SOX5: variants seen among roughly 807,000 people sequenced by gnomAD.
The protein encoded by SOX5 is SRY-box transcription factor 5, also known as transcription factor SOX-5.
Under a neutral mutation model 92.0 loss-of-function variants are expected in SOX5, and 9 were observed. That is an observed-to-expected ratio of 0.10 (90% CI 0.06 to 0.17). SOX5 has a LOEUF of 0.17. SOX5 is among the 10% of genes least tolerant of loss of function. SOX5 has a pLI of 1.00. For synonymous variants in SOX5, 344 were observed against 336.3 expected (o/e 1.02, Z -0.25); for missense variants, 642 against 944.5 (o/e 0.68, Z 4.20).
intron 4 of SOX5, among the ~76,000 whole-genome samples, chr12:23,957,676 T>G (rs1946436894): frequency 6.6e-6 from 1 of 152,268 alleles, no homozygotes; most frequent in African/African-American, 2.4e-5. Context: ...ACAACTTGCT[T>G]TTTTCATGCT....
intron 1 of SOX5, among the ~76,000 whole-genome samples, chr12:24,390,956 T>C (rs1238806110): frequency 1.3e-5 from 2 of 152,168 alleles, no homozygotes; most frequent in East Asian, 3.8e-4. Flanking sequence ...GTAGTGGGAC[T>C]GCTGGGTCAA....
At chr12:24,340,794 G>A (rs1259082333) in intron 2 of SOX5, among the ~76,000 whole-genome samples, 1 of 152,130 alleles carries the variant, frequency 6.6e-6, no homozygotes, top group East Asian at 1.9e-4. Flanking sequence ...TTAATACAGA[G>A]CTACACACTC....
At chr12:23,914,231 G>T (rs559659688) in intron 1 of SOX5, among the ~76,000 whole-genome samples, 96 of 152,192 alleles carry the variant, frequency 6.3e-4, no homozygotes, top group Non-Finnish European at 1.1e-3. Context: ...TGGATAAGCT[G>T]ATGGTTTTCT....
At chr12:23,535,196 A>AT (rs565525720) in intron 14 of SOX5, among the ~76,000 whole-genome samples, 1 of 152,204 alleles carries the variant, frequency 6.6e-6, no homozygotes, top group Non-Finnish European at 1.5e-5. Context: ...CAGAAATAGT[A>AT]TTTTTCCCTA....
At chr12:24,511,801 A>G (rs570061310) in intron 1 of SOX5, among the ~76,000 whole-genome samples, 17 of 151,996 alleles carry the variant, frequency 1.1e-4, no homozygotes, top group Non-Finnish European at 2.1e-4. Context: ...TACTAAAACT[A>G]CAAAAAATTA....
intron 2 of SOX5, chr12:24,331,339 A>G (rs1441634742): frequency 2.0e-5 from 3 of 152,300 alleles, no homozygotes; most frequent in East Asian, 3.9e-4. Flanking sequence ...ATGCTTTTCT[A>G]TTGCCTCATT....
At chr12:23,856,357 C>G (rs529646681) in intron 2 of SOX5, among the ~76,000 whole-genome samples, 5 of 152,214 alleles carry the variant, frequency 3.3e-5, no homozygotes, top group African/African-American at 1.2e-4. Context: ...ATGAGATACA[C>G]AAAATCTGTT....
At chr12:24,331,829 G>GC in intron 2 of SOX5, among the ~76,000 whole-genome samples, 1 of 104,308 alleles carries the variant, frequency 9.6e-6, no homozygotes, top group African/African-American at 4.0e-5. Flanking sequence ...ACCAGCCTGG[G>GC]AACAGAGCAA....
intron 6 of SOX5, among the ~76,000 whole-genome samples, chr12:23,688,104 G>T (rs891681806): frequency 9.2e-5 from 14 of 151,974 alleles, no homozygotes; most frequent in African/African-American, 3.4e-4. Flanking sequence ...TGCTGATGCT[G>T]TACTTACATC....
intron 1 of SOX5, among the ~76,000 whole-genome samples, chr12:24,502,688 A>G (rs1456765873): frequency 6.6e-6 from 1 of 152,194 alleles, no homozygotes; most frequent in Non-Finnish European, 1.5e-5. Context: ...GTCTCACAGT[A>G]TTTACCCCAA....
At chr12:24,369,238 T>C (rs562264333) in intron 1 of SOX5, among the ~76,000 whole-genome samples, 1 of 152,306 alleles carries the variant, frequency 6.6e-6, no homozygotes, top group South Asian at 2.1e-4. Flanking sequence ...CAAAATGTCA[T>C]AGGAGTGTCT....
chr12:24,047,282 C>T lies in SOX5; in HGVS notation c.-1-151258G>A, dbSNP rs147906319. 2.0e-5 allele frequency among the ~76,000 whole-genome samples: 3 copies of T among 152,240 alleles called. No individual in the cohort carries two copies. The East Asian group carries it at 5.8e-4, about 29-fold the overall frequency. ...GAAATATATTTTCCTGTTCTTTTAA[C>T]AGATAGTCATGTTATTTAATAATAC... On this transcript the variant is annotated intron_variant, in intron 4 of 4. Transcript: ENST00000446891.
intron 3 of SOX5, among the ~76,000 whole-genome samples, chr12:24,219,383 C>A (rs1959848993): frequency 6.6e-6 from 1 of 152,030 alleles, no homozygotes; most frequent in South Asian, 2.1e-4. Flanking sequence ...GTGATTATTA[C>A]ACATTGTGTG....
chr12:23,792,300 C>T (rs895854651), intron 3 of SOX5, among the ~76,000 whole-genome samples: 5 of 151,800 alleles, frequency 3.3e-5, no homozygotes, highest in African/African-American at 1.2e-4. Context: ...CATCATTTCA[C>T]ACATGGGGAT....
At chr12:24,356,988 C>A (rs2141222934) in intron 2 of SOX5, among the ~76,000 whole-genome samples, 1 of 152,324 alleles carries the variant, frequency 6.6e-6, no homozygotes, top group East Asian at 1.9e-4. Context: ...AAAGGCTGAT[C>A]ATGACACCCC....
chr12:24,382,717 G>A (rs963951031), intron 1 of SOX5, among the ~76,000 whole-genome samples: 15 of 152,284 alleles, frequency 9.9e-5, no homozygotes, highest in South Asian at 4.1e-4. Flanking sequence ...AGGAAATAGC[G>A]GAGGTGGTGA....
At chr12:23,686,137 G>T (rs571521882) in intron 6 of SOX5, among the ~76,000 whole-genome samples, 1 of 152,126 alleles carries the variant, frequency 6.6e-6, no homozygotes, top group Non-Finnish European at 1.5e-5. Context: ...GTAGAACAGA[G>T]CAGTCTATAA....
intron 13 of SOX5, among the ~76,000 whole-genome samples, chr12:23,539,092 A>T (rs1941329993): frequency 6.6e-6 from 1 of 152,026 alleles, no homozygotes; most frequent in Admixed American, 6.6e-5. Flanking sequence ...GGTGTGAGCC[A>T]CCACTCCTGG....
chr12:24,407,090 CA>C (rs1273990249), intron 1 of SOX5, among the ~76,000 whole-genome samples: 3 of 148,960 alleles, frequency 2.0e-5, no homozygotes, highest in African/African-American at 2.5e-5. Context: ...ATGCAAAAAA[CA>C]AAAAAAAAGG....
Sources: gnomAD v4.1 joint callset for allele counts (sites outside exome capture counted in the v4.1 genomes callset) on GRCh38, gnomAD v4.1.1 for gene constraint, MANE v1.5 for transcripts, NCBI Gene and HGNC (gene_info 2026-07-23, HGNC 2026-07-21) for gene names.